The following PIEZO1 variants were observed in gnomAD, a reference collection of about 807,000 sequenced individuals.
The protein encoded by PIEZO1 is piezo-type mechanosensitive ion channel component 1.
A neutral mutation model predicts 297.2 loss-of-function variants in PIEZO1; 296 were observed. The ratio of observed to expected loss-of-function variants is 1.00; its 90% confidence interval spans 0.91 to 1.10. PIEZO1 has a LOEUF of 1.10. Ranked by LOEUF, PIEZO1 falls within the 50% of genes least tolerant of loss-of-function variation. The pLI, the probability that PIEZO1 is intolerant of heterozygous loss-of-function variation, is 0.00. For synonymous variants in PIEZO1, 2,427 were observed against 1,507.5 expected, an observed-to-expected ratio of 1.61 and a Z score of -14.13; for missense variants, 5,018 against 3,455.5, an observed-to-expected ratio of 1.45 and a Z score of -11.34.
In PIEZO1 at chr16:88,737,685, G is replaced by A. The variant is rs781367446; in HGVS notation, c.1108-39C>T. ...GCGCTGAGCCATGCACGGGCTGGCC[G>A]GGCGCCCCCCACGCTGGCGTCTCCA... On this transcript the variant is annotated intron_variant, in intron 9 of 50. Coordinates refer to ENST00000301015, the MANE Select transcript of PIEZO1 (RefSeq NM_001142864.4). 3.7e-4 allele frequency: 574 copies of A among 1,532,436 alleles called. 2 individuals carry two copies. The highest frequency in any genetic ancestry group is 4.7e-4 in the Admixed American group (24 of 50,968). 94.9% of individuals were successfully genotyped at this position (1,532,436 alleles called of 1,614,324 possible).
chr16:88,738,130 C>A (rs751640648), intron 7 of PIEZO1, 25 bp from the exon 8 acceptor site: 32 of 1,535,616 alleles, frequency 2.1e-5, no homozygotes, highest in Non-Finnish European at 8.7e-7. Context: ...CCCGTCACAG[C>A]CTACCACCCC....
At chr16:88,783,715 C>T (rs992947758) in intron 1 of PIEZO1, among the ~76,000 whole-genome samples, 8 of 152,218 alleles carry the variant, frequency 5.3e-5, no homozygotes, top group African/African-American at 1.9e-4. Context: ...GAGAGTTGCT[C>T]AAAACCTCTC....
chr16:88,743,373 A>G (rs1326214147), intron 2 of PIEZO1: 1 of 450,524 alleles, frequency 2.2e-6, no homozygotes, highest in Non-Finnish European at 4.5e-6. Context: ...ACGTGCTGGC[A>G]GGAGCTTCCG....
In PIEZO1 at chr16:88,715,523, C is replaced by T. The variant is rs900953168; in HGVS notation, c.*82G>A. 4.7e-5 allele frequency: 65 copies of T among 1,391,376 alleles called. No homozygotes were observed. In the Middle Eastern group the frequency reaches 9.6e-4, roughly 21 times the overall value. 86.2% of individuals were successfully genotyped at this position (1,391,376 alleles called of 1,614,324 possible). On this transcript the variant is annotated 3_prime_UTR_variant, in exon 51 of 51. Transcript: ENST00000301015. Reference sequence around the variant, plus strand: ...GCGGCCTTGGACGGGGCAGTGGCTCCCCCGGCCTGAGGAGTGCCGCCCCTT... The same window carrying T: ...GCGGCCTTGGACGGGGCAGTGGCTCTCCCGGCCTGAGGAGTGCCGCCCCTT...
chr16:88,731,954 G>GGAGAGGGCGGGGCAT, intron 21 of PIEZO1, 44 bp from the exon 22 acceptor site: 2 of 322,528 alleles, frequency 6.2e-6, no homozygotes, highest in African/African-American at 2.3e-5. Context: ...ACTGAGTCTG[G>GGAGAGGGCGGGGCAT]GGGGAGGGAC....
In PIEZO1 at chr16:88,732,466, G is replaced by T. The variant is rs765257824; in HGVS notation, c.2860C>A (p.Arg954=). ...IVYRRQEHYR[R]QHQLAPLPAQ... ...GGCAGCGGGGCCAGCTGGTGCTGCCGGCGGTAGTGCTCCTGGCGCCGGTAC... is the reference window on the plus strand; with the variant it reads ...GGCAGCGGGGCCAGCTGGTGCTGCCTGCGGTAGTGCTCCTGGCGCCGGTAC... The change falls in exon 21 of 51, where the codon CGG becomes AGG. Residue 954 remains arginine (R), a synonymous_variant. Transcript: ENST00000301015. 271 of 1,549,286 alleles carry T rather than the reference G, an allele frequency of 1.7e-4. 1 individual carries two copies. Among genetic ancestry groups the T allele is most frequent in the Non-Finnish European group, 2.3e-4 (259 of 1,146,346 alleles).
intron 21 of PIEZO1, 24 bp downstream of exon 21, chr16:88,732,311 G>A (rs771396486): frequency 5.0e-5 from 76 of 1,534,118 alleles, no homozygotes; most frequent in Non-Finnish European, 6.5e-5. Flanking sequence ...CCTGCCCCAG[G>A]GGGAGGCAAT....
At position 88,738,696 on chromosome 16, in the gene PIEZO1, C is replaced by T; in HGVS notation, c.506G>A (p.Gly169Glu). The T allele has an allele frequency of 6.5e-7, 1 of 1,533,880 alleles. No individual in the cohort carries two copies. Among genetic ancestry groups the T allele is most frequent in the Non-Finnish European group, 8.7e-7 (1 of 1,145,300 alleles). ...GGCCAGCGTTGCTGCTTCCTGCAGC[C>T]CTGCCGTCGGGCTGGCATCCACATC... ...ERDVDASPTA[G>E]LQEAATLAPT... Residue 169 changes from glycine to glutamate, a missense_variant, in exon 6 of 51, where the codon GGG (glycine) becomes GAG (glutamate). Gly to Glu is a moderately conservative substitution (Grantham distance 98, BLOSUM62 -2). Coordinates refer to ENST00000301015, the MANE Select transcript of PIEZO1 (RefSeq NM_001142864.4).
rs1220819024 is a variant in PIEZO1, at chr16:88,784,851, C to T, written c.64+50G>A. 5 of 1,300,118 alleles carry T rather than the reference C, an allele frequency of 3.8e-6. No homozygotes were observed. In the East Asian group the frequency reaches 1.7e-4, roughly 44 times the overall value. The allele number at this position is 1,300,118 out of a possible 1,614,324, so 80.5% of individuals were successfully genotyped here. A position where few individuals can be genotyped will look rare whatever the true frequency, so the allele number is the denominator to read the frequency against. On this transcript the variant is annotated intron_variant, in intron 1 of 50. Transcript: ENST00000301015. ...CGTCCGGTGTCCAGGCCGTGGGGAG[C>T]CGAGACGCAGCCCCCTCCCGTCGCC... is the stretch of plus-strand genomic sequence containing the variant.
At position 88,716,004 on chromosome 16, in the gene PIEZO1, G is replaced by C. The variant is rs1911993099; in HGVS notation, c.7245C>G (p.Cys2415Trp). Residue 2415 changes from cysteine (C) to tryptophan (W), a missense_variant, in exon 50 of 51, where the codon TGC (cysteine) becomes TGG (tryptophan). By Grantham distance (215) the Cys-to-Trp change is radical (BLOSUM62 -2). Coordinates refer to ENST00000301015, the MANE Select transcript of PIEZO1 (RefSeq NM_001142864.4). Reference sequence around the variant, plus strand: ...TGAAAATGACCATGGGCAGCAGGTTGCAGTCGGTCCGGCACTCCTGCAGCT... The same window carrying C: ...TGAAAATGACCATGGGCAGCAGGTTCCAGTCGGTCCGGCACTCCTGCAGCT... ...VIELQECRTD[C>W]NLLPMVIFSD... is the part of the protein sequence containing the mutation. 6.5e-7 allele frequency: 1 copy of C among 1,550,226 alleles called. No homozygotes were observed. Among genetic ancestry groups the C allele is most frequent in the Non-Finnish European group, 8.7e-7 (1 of 1,146,918 alleles).
intron 1 of PIEZO1, among the ~76,000 whole-genome samples, chr16:88,756,374 A>G (rs9932392): frequency 0.68 from 103,423 of 152,016 alleles, 36,196 homozygotes; most frequent in African/African-American, 0.86. Context: ...CGCACTGGCC[A>G]CTGATGGGGC....
In PIEZO1 at chr16:88,717,256, T is replaced by G. The variant is rs571000921; in HGVS notation, c.6472-45A>C. 5.3e-6 allele frequency: 8 copies of G among 1,512,784 alleles called. No individual in the cohort carries two copies. In the South Asian group the frequency reaches 8.4e-5, roughly 16 times the overall value. 93.7% of individuals were successfully genotyped at this position (1,512,784 alleles called of 1,614,324 possible). ...GTCATACGCTCAGCTCTGCCCTTCC[T>G]GCGGGTCACACAACCGCATTCTCCA... On this transcript the variant is annotated intron_variant, in intron 44 of 50. Coordinates refer to ENST00000301015, the MANE Select transcript of PIEZO1 (RefSeq NM_001142864.4).
In PIEZO1 at chr16:88,719,558, C is replaced by T. The variant is rs1485554922; in HGVS notation, c.6471+16G>A. 4.5e-6 allele frequency: 7 copies of T among 1,549,084 alleles called. No homozygotes were observed. Among genetic ancestry groups the T allele is most frequent in the Non-Finnish European group, 6.1e-6 (7 of 1,145,796 alleles). ...TCCCTGGCCCTTGTCCCGGCCCCCG[C>T]CCTGGGCCCAGGCACCTTCTCTGTC... On this transcript the variant is annotated intron_variant, in intron 44 of 50. Coordinates refer to ENST00000301015, the MANE Select transcript of PIEZO1 (RefSeq NM_001142864.4).
At chr16:88,723,798 C>A in intron 31 of PIEZO1, 73 bp downstream of exon 31, 2 of 817,584 alleles carry the variant, frequency 2.4e-6, no homozygotes, top group Non-Finnish European at 4.1e-6. Flanking sequence ...CATCTGACAC[C>A]CTCTATGCTG....
intron 39 of PIEZO1, 140 bp from the exon 40 acceptor site, chr16:88,720,888 G>T: frequency 1.9e-6 from 2 of 1,062,882 alleles, no homozygotes; most frequent in African/African-American, 1.6e-5. Flanking sequence ...AGTGTCACTG[G>T]CAAGGAGACA....
chr16:88,762,410 GCC>G (rs1906973600), intron 1 of PIEZO1, among the ~76,000 whole-genome samples: 1 of 152,172 alleles, frequency 6.6e-6, no homozygotes, highest in African/African-American at 2.4e-5. Context: ...CTGCCCACTG[GCC>G]CCCATCTGAG....
chr16:88,757,614 T>C (rs2288051), intron 1 of PIEZO1, among the ~76,000 whole-genome samples: 105,074 of 151,900 alleles, frequency 0.69, 37,412 homozygotes, highest in African/African-American at 0.87. Context: ...GGAGAGCCCA[T>C]GGGTTGAAGC....
At chr16:88,726,987 C>T (rs908448541) in intron 24 of PIEZO1, 29 bp from the exon 25 acceptor site, 23 of 1,549,024 alleles carry the variant, frequency 1.5e-5, no homozygotes, top group Non-Finnish European at 1.9e-5. Context: ...AGGGCGGGCG[C>T]CCCGGCCACC....
chr16:88,726,370 G>C lies in PIEZO1; in HGVS notation c.3882C>G (p.Phe1294Leu). 1 of 1,550,406 alleles carries C rather than the reference G, an allele frequency of 6.4e-7. No homozygotes were observed. Among genetic ancestry groups the C allele is most frequent in the African/African-American group, 1.4e-5 (1 of 73,170 alleles). ...GIIWDSVCFF[F>L]LLLQRRVFLS... Reference sequence around the variant, plus strand: ...GGAAGACGCGGCGCTGCAGCAGCAGGAAGAAGAAGCAGACGCTGTCCCAGA... The same window carrying C: ...GGAAGACGCGGCGCTGCAGCAGCAGCAAGAAGAAGCAGACGCTGTCCCAGA... Residue 1294 changes from phenylalanine (F) to leucine (L), a missense_variant, in exon 27 of 51, where the codon TTC (phenylalanine) becomes TTG (leucine). By Grantham distance (22) the Phe-to-Leu change is conservative. Coordinates refer to ENST00000301015, the MANE Select transcript of PIEZO1 (RefSeq NM_001142864.4).
Sources: allele counts gnomAD v4.1 joint callset (sites outside exome capture counted in the v4.1 genomes callset), GRCh38; gene constraint gnomAD v4.1.1; transcripts MANE v1.5; gene names NCBI Gene and HGNC (gene_info 2026-07-23, HGNC 2026-07-21).